ZDHHC6: variants seen among roughly 807,000 people sequenced by gnomAD.
The protein encoded by ZDHHC6 is zDHHC palmitoyltransferase 6.
A neutral mutation model predicts 57.8 loss-of-function variants in ZDHHC6; 32 were observed. That is an observed-to-expected ratio of 0.55 (90% CI 0.42 to 0.74). ZDHHC6 has a LOEUF of 0.74. ZDHHC6 is among the 30% of genes least tolerant of loss of function. The pLI, the probability that ZDHHC6 is intolerant of heterozygous loss-of-function variation, is 0.00. For synonymous variants in ZDHHC6, 128 were observed against 158.0 expected (o/e 0.81, Z 1.42); for missense variants, 433 against 500.7 (o/e 0.86, Z 1.29).
At chr10:112,427,309 A>C (rs771902153), downstream of ZDHHC6, 2 of 1,613,858 alleles carry the variant, frequency 1.2e-6, no homozygotes, top group South Asian at 2.2e-5. Context: ...GAGCTTTCCA[A>C]ATACTTTCGG....
chr10:112,432,220 A>G lies in ZDHHC6; in HGVS notation c.1138+20T>C. On this transcript the variant is annotated intron_variant, in intron 10 of 10. Coordinates refer to ENST00000369405, the MANE Select transcript of ZDHHC6 (RefSeq NM_022494.3). ...TTGCTAATAGTCTTGTCCTTTAAAC[A>G]TGCCCTTCCATTTCCATACCTTCTA... 6.3e-7 allele frequency: 1 copy of G among 1,590,106 alleles called. No homozygotes were observed. Among genetic ancestry groups the G allele is most frequent in the Non-Finnish European group, 8.5e-7 (1 of 1,173,274 alleles).
At chr10:112,426,628 C>CA, downstream of ZDHHC6, 1 of 665,038 alleles carries the variant, frequency 1.5e-6, no homozygotes, top group Non-Finnish European at 2.6e-6. Context: ...CTTTTCTTCT[C>CA]AGTTTTTCTT....
At chr10:112,442,503 G>A (rs923199925) in intron 3 of ZDHHC6, 152 bp from the exon 4 acceptor site, 3 of 734,320 alleles carry the variant, frequency 4.1e-6, no homozygotes, top group African/African-American at 1.8e-5. Context: ...AAATCTTTAT[G>A]AGCTTTTAAA....
intron 1 of ZDHHC6, among the ~76,000 whole-genome samples, chr10:112,446,312 T>C (rs1846710107): frequency 1.3e-5 from 2 of 151,882 alleles, no homozygotes; most frequent in African/African-American, 4.8e-5. Flanking sequence ...GTGTGTGAAA[T>C]TATGACCAGA....
intron 7 of ZDHHC6, 23 bp downstream of exon 7, chr10:112,434,274 G>C (rs746473962): frequency 6.5e-7 from 1 of 1,533,954 alleles, no homozygotes; most frequent in Non-Finnish European, 8.8e-7. Context: ...AAAAGGAAGG[G>C]CTATTTGAAC....
rs1844916848 is a variant in ZDHHC6 at position 112,430,419 on chromosome 10, A to G, written c.*385T>C. ...AATTGAGTTCTATAGTATCTAGAAT[A>G]TCATATAAGAAATATCAACTGAGGG... is the stretch of plus-strand genomic sequence containing the variant. On this transcript the variant is annotated 3_prime_UTR_variant, in exon 11 of 11. Transcript: ENST00000369405. 6.4e-6 allele frequency: 1 copy of G among 155,536 alleles called. No homozygotes were observed. The highest frequency in any genetic ancestry group is 2.4e-5 in the African/African-American group (1 of 41,558). 9.6% of individuals were successfully genotyped at this position (155,536 alleles called of 1,614,324 possible). A position where few individuals can be genotyped will look rare whatever the true frequency, so the allele number is the denominator to read the frequency against.
At position 112,435,651 on chromosome 10, in the gene ZDHHC6, T is replaced by C. The variant is rs542946271; in HGVS notation, c.736-1187A>G. Among the ~76,000 whole-genome samples the C allele has an allele frequency of 4.6e-5, 7 of 152,378 alleles. No homozygotes were observed. In the East Asian group the frequency reaches 1.3e-3, roughly 29 times the overall value. ...TACTAAAATAATTATTAAGCTATAA[T>C]GCATATGAATCTATTAAGTTATATA... On this transcript the variant is annotated intron_variant, in intron 6 of 10. Coordinates refer to ENST00000369405, the MANE Select transcript of ZDHHC6 (RefSeq NM_022494.3).
chr10:112,446,621 C>G (rs1389249081), intron 1 of ZDHHC6, 84 bp downstream of exon 1: 1 of 152,380 alleles, frequency 6.6e-6, no homozygotes, highest in African/African-American at 2.4e-5. Flanking sequence ...CCAGGTTGGT[C>G]TCAACATTCA....
At position 112,445,527 on chromosome 10, in the gene ZDHHC6, G is replaced by T; in HGVS notation, c.-91C>A. 1 of 1,431,078 alleles carries T rather than the reference G, an allele frequency of 7.0e-7. No homozygotes were observed. The highest frequency in any genetic ancestry group is 9.4e-7 in the Non-Finnish European group (1 of 1,060,002). The allele number at this position is 1,431,078 out of a possible 1,614,324, so 88.6% of individuals were successfully genotyped here. A position where few individuals can be genotyped will look rare whatever the true frequency, so the allele number is the denominator to read the frequency against. ...TTCCATGTGCCACAAGTCCATGTGTGTTCTTTAATTGTCATGCCTTCAAGC... is the reference window on the plus strand; with the variant it reads ...TTCCATGTGCCACAAGTCCATGTGTTTTCTTTAATTGTCATGCCTTCAAGC... On this transcript the variant is annotated 5_prime_UTR_variant, in exon 2 of 11. Coordinates refer to ENST00000369405, the MANE Select transcript of ZDHHC6 (RefSeq NM_022494.3).
chr10:112,434,167 T>C, intron 7 of ZDHHC6, 130 bp downstream of exon 7: 1 of 877,214 alleles, frequency 1.1e-6, no homozygotes, highest in Admixed American at 3.3e-5. Flanking sequence ...TTAGAATTAT[T>C]AGATTCATTT....
intron 2 of ZDHHC6, among the ~76,000 whole-genome samples, chr10:112,443,978 C>T (rs762127532): frequency 1.1e-4 from 17 of 152,158 alleles, no homozygotes; most frequent in Non-Finnish European, 1.9e-4. Flanking sequence ...AATCTGCTCC[C>T]TCCTTGACAT....
chr10:112,426,085 G>T (rs1286166343), downstream of ZDHHC6, among the ~76,000 whole-genome samples: 1 of 50,528 alleles, frequency 2.0e-5, no homozygotes, highest in East Asian at 8.5e-4. Flanking sequence ...GGGAAAATGG[G>T]ATTACAGTTC....
chr10:112,445,021 G>A (rs1589758487), intron 2 of ZDHHC6, 149 bp downstream of exon 2: 2 of 913,632 alleles, frequency 2.2e-6, no homozygotes, highest in East Asian at 2.7e-5. Flanking sequence ...TAAAGTCTCC[G>A]AGCCTAAATG....
intron 5 of ZDHHC6, among the ~76,000 whole-genome samples, chr10:112,438,669 TTTTCA>T (rs1168763284): frequency 6.6e-6 from 1 of 152,070 alleles, no homozygotes; most frequent in Non-Finnish European, 1.5e-5. Context: ...ATAAGTACTA[TTTTCA>T]GAGCAAGGTT....
chr10:112,445,691 A>G, intron 1 of ZDHHC6, 41 bp from the exon 2 acceptor site: 5 of 534,074 alleles, frequency 9.4e-6, no homozygotes, highest in Non-Finnish European at 1.6e-5. Context: ...AAAACAAAAC[A>G]AAACAAAACC....
At position 112,434,363 on chromosome 10, in the gene ZDHHC6, T is replaced by C. The variant is rs780331525; in HGVS notation, c.837A>G (p.Ser279=). 7 of 1,613,996 alleles carry C rather than the reference T, an allele frequency of 4.3e-6. No individual in the cohort carries two copies. Among genetic ancestry groups the C allele is most frequent in the East Asian group, 2.2e-5 (1 of 44,864 alleles). ...CAAGTCCATCTCCTTCAGGGACCCC[T>C]GACCACGTAAATACCTGTTTAAAGT... ...WRNFKQVFTW[S]GVPEGDGLEW... The change falls in exon 7 of 11, where the codon TCA becomes TCG. Residue 279 remains serine (S), a synonymous_variant. Coordinates refer to ENST00000369405, the MANE Select transcript of ZDHHC6 (RefSeq NM_022494.3).
upstream of ZDHHC6, chr10:112,447,457 A>G: frequency 6.2e-7 from 1 of 1,612,536 alleles, no homozygotes; most frequent in African/African-American, 1.3e-5. Context: ...GGGTCCCACG[A>G]CTCCCGCCTG....
chr10:112,439,628 T>TAAAAAAAAAAAAAAAAAAAAAAAAAAA (rs869272293), intron 5 of ZDHHC6, among the ~76,000 whole-genome samples: 5 of 31,304 alleles, frequency 1.6e-4, no homozygotes, highest in Non-Finnish European at 2.0e-4. Flanking sequence ...AGACTCCGTC[T>TAAAAAAAAAAAAAAAAAAAAAAAAAAA]AAAAAAAAAA....
chr10:112,433,419 C>T, intron 7 of ZDHHC6, 138 bp from the exon 8 acceptor site: 1 of 641,760 alleles, frequency 1.6e-6, no homozygotes, highest in Non-Finnish European at 2.5e-6. Flanking sequence ...ATTTAAAGGC[C>T]ACAGGTTGTT....
Sources: allele counts gnomAD v4.1 joint callset (sites outside exome capture counted in the v4.1 genomes callset), GRCh38; gene constraint gnomAD v4.1.1; transcripts MANE v1.5; gene names NCBI Gene and HGNC (gene_info 2026-07-23, HGNC 2026-07-21).